Variants in DRC11 observed in about 807,000 individuals in gnomAD.
DRC11 encodes the protein IQ and AAA domain-containing protein 1.
the DRC11 span, among the ~76,000 whole-genome samples, chr2:236,320,927 G>T: frequency 1.3e-5 from 2 of 151,848 alleles, no homozygotes; most frequent in Non-Finnish European, 2.9e-5. Flanking sequence ...GAGTTCTAGG[G>T]CATGGCGGCC....
the DRC11 span, chr2:236,368,314 G>T: frequency 4.1e-6 from 6 of 1,476,712 alleles, no homozygotes; most frequent in South Asian, 7.1e-5. Context: ...GGAGAGAAAA[G>T]AAACAGAGGA....
chr2:236,364,911 AC>A, the DRC11 span, among the ~76,000 whole-genome samples: 1 of 152,288 alleles, frequency 6.6e-6, no homozygotes, highest in South Asian at 2.1e-4. Context: ...ATGGTTACCT[AC>A]CATTCTCCAC....
chr2:236,357,154 G>GTATATTATATATCTATATATTATA, the DRC11 span, among the ~76,000 whole-genome samples: 12 of 72,370 alleles, frequency 1.7e-4, no homozygotes, highest in African/African-American at 1.2e-3. Flanking sequence ...TATATATTAT[G>GTATATTATATATCTATATATTATA]TATTCATATA....
At chr2:236,471,598 C>T in the DRC11 span, among the ~76,000 whole-genome samples, 2 of 152,348 alleles carry the variant, frequency 1.3e-5, no homozygotes, top group African/African-American at 2.4e-5. The surrounding 1 kb of genome is among the most constrained non-coding windows in gnomAD (Gnocchi z 4.6). Context: ...GTAGTGCTTA[C>T]TGCATGCTAC....
the DRC11 span, among the ~76,000 whole-genome samples, chr2:236,504,318 TAC>T: frequency 1.3e-5 from 2 of 152,204 alleles, no homozygotes; most frequent in South Asian, 4.2e-4. The surrounding 1 kb of genome is among the most constrained non-coding windows in gnomAD (Gnocchi z 5.0). Flanking sequence ...TTTGTACAGA[TAC>T]ACCACATTTT....
chr2:236,405,400 T>TG, the DRC11 span, among the ~76,000 whole-genome samples: 1 of 151,490 alleles, frequency 6.6e-6, no homozygotes, highest in Non-Finnish European at 1.5e-5. This position sits in a 1 kb window ranked among gnomAD's most constrained non-coding sequence, Gnocchi z 4.6. Flanking sequence ...CTTTCTTGCC[T>TG]TTTTTTGCAA....
At chr2:236,469,576 A>G in the DRC11 span, among the ~76,000 whole-genome samples, 2 of 152,250 alleles carry the variant, frequency 1.3e-5, no homozygotes, top group Admixed American at 6.5e-5. The surrounding 1 kb of genome is among the most constrained non-coding windows in gnomAD (Gnocchi z 5.8). Context: ...CTCCTATTAC[A>G]CCATGCTGTG....
the DRC11 span, among the ~76,000 whole-genome samples, chr2:236,363,374 G>A: frequency 6.6e-6 from 1 of 152,212 alleles, no homozygotes; most frequent in Non-Finnish European, 1.5e-5. This position sits in a 1 kb window ranked among gnomAD's most constrained non-coding sequence, Gnocchi z 5.6. Flanking sequence ...CCTGTGTGAG[G>A]AGTGCACAGA....
the DRC11 span, among the ~76,000 whole-genome samples, chr2:236,357,618 T>G: frequency 8.2e-6 from 1 of 121,834 alleles, no homozygotes; most frequent in Non-Finnish European, 1.6e-5. Flanking sequence ...TATTTATAAA[T>G]ATATAAATAT....
the DRC11 span, among the ~76,000 whole-genome samples, chr2:236,488,669 C>G: frequency 6.6e-6 from 1 of 152,150 alleles, no homozygotes; most frequent in South Asian, 2.1e-4. Context: ...CAACTAATAT[C>G]GAAATCATTT....
the DRC11 span, among the ~76,000 whole-genome samples, chr2:236,319,022 G>A: frequency 0.052 from 7,985 of 152,252 alleles, 694 homozygotes; most frequent in African/African-American, 0.18. This position sits in a 1 kb window ranked among gnomAD's most constrained non-coding sequence, Gnocchi z 6.7. Flanking sequence ...ACAGAGCAGA[G>A]TGAAATGAGA....
the DRC11 span, among the ~76,000 whole-genome samples, chr2:236,468,126 T>TCA: frequency 6.6e-6 from 1 of 152,218 alleles, no homozygotes. Flanking sequence ...AGACAAGGTC[T>TCA]CACTCTGTCA....
the DRC11 span, among the ~76,000 whole-genome samples, chr2:236,325,726 C>T: frequency 5.9e-5 from 9 of 152,090 alleles, no homozygotes; most frequent in African/African-American, 1.4e-4. This position sits in a 1 kb window ranked among gnomAD's most constrained non-coding sequence, Gnocchi z 4.4. Flanking sequence ...CCTCAGCCTC[C>T]GGAGTAGCTG....
chr2:236,324,833 C>A, the DRC11 span: 1 of 1,274,574 alleles, frequency 7.8e-7, no homozygotes, highest in East Asian at 2.4e-5. The surrounding 1 kb of genome is among the most constrained non-coding windows in gnomAD (Gnocchi z 5.7). Flanking sequence ...ACCAATTCAC[C>A]GCAATACTCT....
chr2:236,491,137 A>ACAG, the DRC11 span, among the ~76,000 whole-genome samples: 405 of 106,448 alleles, frequency 3.8e-3, 41 homozygotes, highest in East Asian at 0.015. Context: ...ATATATATAT[A>ACAG]TACAGTATAT....
chr2:236,329,189 T>G, the DRC11 span, among the ~76,000 whole-genome samples: 1 of 152,204 alleles, frequency 6.6e-6, no homozygotes, highest in Non-Finnish European at 1.5e-5. Context: ...CCAGGATAAT[T>G]CAGGATAATC....
chr2:236,487,548 T>G, the DRC11 span, among the ~76,000 whole-genome samples: 10 of 152,190 alleles, frequency 6.6e-5, no homozygotes, highest in African/African-American at 4.8e-5. Context: ...GCTTATCTGA[T>G]AAGGAAAGAA....
the DRC11 span, among the ~76,000 whole-genome samples, chr2:236,488,716 G>A: frequency 1.3e-5 from 2 of 152,190 alleles, no homozygotes; most frequent in African/African-American, 4.8e-5. Context: ...AAGTCTTCCA[G>A]TGTCTATAAA....
At chr2:236,362,271 TAAAC>T in the DRC11 span, among the ~76,000 whole-genome samples, 563 of 152,294 alleles carry the variant, frequency 3.7e-3, 8 homozygotes, top group African/African-American at 0.013. This position sits in a 1 kb window ranked among gnomAD's most constrained non-coding sequence, Gnocchi z 5.7. Context: ...AGTTGACCCT[TAAAC>T]AACACTCATT....
Sources: allele counts gnomAD v4.1 joint callset (sites outside exome capture counted in the v4.1 genomes callset), GRCh38; gene constraint gnomAD v4.1.1; non-coding constraint Gnocchi (gnomAD v3.1); transcripts MANE v1.5; gene names NCBI Gene and HGNC (gene_info 2026-07-23, HGNC 2026-07-21).